Variants in CEP120 observed in about 807,000 individuals in gnomAD.
CEP120 encodes centrosomal protein of 120 kDa.
Under a neutral mutation model 126.5 loss-of-function variants are expected in CEP120, and 113 were observed. That is an observed-to-expected ratio of 0.89 (90% CI 0.77 to 1.04). The LOEUF is 1.04. Among genes scored for constraint, CEP120 ranks in the 50% least tolerant of loss-of-function variants. The probability of loss-of-function intolerance (pLI) is 0.00; values close to 1 mark genes in which losing one functional copy is unlikely to be tolerated. For missense variants in CEP120, 1,230 were observed against 1,155.7 expected (o/e 1.06, Z -0.93); for synonymous variants, 400 against 394.3 (o/e 1.01, Z -0.17).
chr5:123,387,050 G>C (rs1038894372), intron 9 of CEP120, among the ~76,000 whole-genome samples: 12 of 152,182 alleles, frequency 7.9e-5, no homozygotes, highest in African/African-American at 2.6e-4. Flanking sequence ...AATCTTGCAA[G>C]GATGCAAACA....
At chr5:123,351,413 G>T (rs1185261305) in intron 18 of CEP120, among the ~76,000 whole-genome samples, 1 of 152,094 alleles carries the variant, frequency 6.6e-6, no homozygotes, top group Non-Finnish European at 1.5e-5. Context: ...TTCCACTGCT[G>T]AAGGACATTG....
chr5:123,376,119 T>C (rs1156689569), intron 16 of CEP120, among the ~76,000 whole-genome samples: 1 of 152,196 alleles, frequency 6.6e-6, no homozygotes, highest in Admixed American at 6.5e-5. Context: ...CTGATTAAAT[T>C]ATCATGCTAA....
chr5:123,404,390 G>A (rs1464802132), intron 4 of CEP120, among the ~76,000 whole-genome samples: 3 of 152,178 alleles, frequency 2.0e-5, no homozygotes, highest in African/African-American at 7.2e-5. Flanking sequence ...TCCAAAAGAA[G>A]ATGTCCAGGA....
chr5:123,378,220 C>T, intron 15 of CEP120, 116 bp downstream of exon 15: 1 of 652,514 alleles, frequency 1.5e-6, no homozygotes, highest in South Asian at 2.5e-5. Flanking sequence ...TATAAGCAGC[C>T]CATCCTGAGT....
rs867345155 is a variant in CEP120, at chr5:123,364,613, A to G, written c.2482-19T>C. 4.1e-6 allele frequency: 6 copies of G among 1,472,786 alleles called. No homozygotes were observed. Among genetic ancestry groups the G allele is most frequent in the East Asian group, 2.3e-5 (1 of 43,728 alleles). 91.2% of individuals were successfully genotyped at this position (1,472,786 alleles called of 1,614,324 possible). A position where few individuals can be genotyped will look rare whatever the true frequency, so the allele number is the denominator to read the frequency against. On this transcript the variant is annotated intron_variant, in intron 17 of 19. Transcript: ENST00000306467. The stretch of plus-strand genomic sequence containing the variant: ...GTTCAACCTAACAGTGATTAAAATC[A>G]TATCAAGTGAAACACTATACCACTG...
chr5:123,382,182 C>G lies in CEP120; in HGVS notation c.2032G>C (p.Ala678Pro). The G allele has an allele frequency of 6.2e-7, 1 of 1,605,496 alleles. No homozygotes were observed. The highest frequency in any genetic ancestry group is 8.5e-7 in the Non-Finnish European group (1 of 1,176,070). Reference protein sequence around the residue: ...FENQLKQKELAHMQALAEEWK... With the variant: ...FENQLKQKELPHMQALAEEWK... ...TCCTCTGCAAGAGCCTGCATATGAGCCAGTTCTTTCTGCTTCAGCTACAAA... is the reference window on the plus strand; with the variant it reads ...TCCTCTGCAAGAGCCTGCATATGAGGCAGTTCTTTCTGCTTCAGCTACAAA... Residue 678 changes from alanine (A) to proline (P), a missense_variant, in exon 14 of 20, where the codon GCT becomes CCT. Physicochemically the swap from Ala to Pro is conservative, Grantham distance 27. Coordinates refer to ENST00000306467, the MANE Select transcript of CEP120 (RefSeq NM_001375405.1).
chr5:123,386,516 A>C lies in CEP120; in HGVS notation c.1580+2T>G. The C allele has an allele frequency of 6.4e-7, 1 of 1,553,604 alleles. No individual in the cohort carries two copies. On this transcript the variant is annotated splice_donor_variant, in intron 10 of 19. Coordinates refer to ENST00000306467, the MANE Select transcript of CEP120 (RefSeq NM_001375405.1). LOFTEE classifies it high-confidence loss of function. ...ATATCATACATACACTGTATGCATT[A>C]CCTTAAGAAGGTGTCTTGCAGCTGA...
chr5:123,361,236 T>C (rs1289708616), intron 18 of CEP120, among the ~76,000 whole-genome samples: 2 of 151,848 alleles, frequency 1.3e-5, no homozygotes, highest in Admixed American at 1.3e-4. Flanking sequence ...TTTGAATCAT[T>C]TTCTCTTTGA....
intron 5 of CEP120, 67 bp downstream of exon 5, chr5:123,399,069 G>T (rs1580713703): frequency 2.4e-6 from 3 of 1,237,140 alleles, no homozygotes; most frequent in Non-Finnish European, 3.2e-6. Flanking sequence ...TTTAATACCT[G>T]AAAGGTAAAA....
rs1185310295 is a variant in CEP120, at chr5:123,388,611, A to G, written c.1256-5T>C. On this transcript the variant is annotated splice_polypyrimidine_tract_variant and splice_region_variant and intron_variant, in intron 8 of 19. Transcript: ENST00000306467. ...AAGCAGGTACAGAAGAACTGGCTGA[A>G]ATGAACATAAAATAAAACAAAATAA... 6.4e-7 allele frequency: 1 copy of G among 1,557,030 alleles called. No homozygotes were observed. Among genetic ancestry groups the G allele is most frequent in the Admixed American group, 2.1e-5 (1 of 47,410 alleles).
chr5:123,397,912 T>C (rs1487861711), intron 5 of CEP120, among the ~76,000 whole-genome samples: 1 of 152,106 alleles, frequency 6.6e-6, no homozygotes, highest in Non-Finnish European at 1.5e-5. Flanking sequence ...AGTGAAACCC[T>C]GTCTCTACAA....
At chr5:123,366,158 A>AT (rs948241839) in intron 17 of CEP120, among the ~76,000 whole-genome samples, 4 of 151,562 alleles carry the variant, frequency 2.6e-5, no homozygotes, top group Non-Finnish European at 5.9e-5. Context: ...TTCCTAACTT[A>AT]TTTTTTTTAA....
chr5:123,386,118 G>T (rs2127058967), intron 10 of CEP120, among the ~76,000 whole-genome samples: 2 of 151,792 alleles, frequency 1.3e-5, no homozygotes, highest in East Asian at 1.9e-4. Context: ...CTAGTTATAG[G>T]TTTAAAAAAA....
intron 18 of CEP120, among the ~76,000 whole-genome samples, chr5:123,353,511 A>T (rs905660933): frequency 6.9e-5 from 5 of 72,928 alleles, no homozygotes; most frequent in Non-Finnish European, 1.2e-4. Context: ...TAGTCTCATT[A>T]AAAAAAAAGT....
At chr5:123,358,898 C>T (rs1434750982) in intron 18 of CEP120, among the ~76,000 whole-genome samples, 1 of 152,058 alleles carries the variant, frequency 6.6e-6, no homozygotes, top group Non-Finnish European at 1.5e-5. Context: ...CTCACACATA[C>T]CATGTAAGTC....
intron 5 of CEP120, among the ~76,000 whole-genome samples, chr5:123,394,343 A>G (rs1478192950): frequency 2.6e-5 from 4 of 152,192 alleles, no homozygotes; most frequent in African/African-American, 7.2e-5. Context: ...TAGTTACAGG[A>G]GGAAACTGTT....
rs574886171 is a variant in CEP120 at position 123,390,620 on chromosome 5, GA to G, written c.1039-481del. 1.5e-3 allele frequency among the ~76,000 whole-genome samples: 226 copies of G among 152,196 alleles called. 2 individuals are homozygous for G. The Middle Eastern group carries it at 0.027, about 18-fold the overall frequency. On this transcript the variant is annotated intron_variant, in intron 7 of 19. Transcript: ENST00000306467. ...AAAGATCAGCTTTTTGAAAGAACAA[GA>G]TAAAGTTGATTTCTGGGAATAGATA...
At chr5:123,368,210 T>C (rs1562015050) in intron 17 of CEP120, among the ~76,000 whole-genome samples, 1 of 151,934 alleles carries the variant, frequency 6.6e-6, no homozygotes, top group Non-Finnish European at 1.5e-5. Flanking sequence ...TATTACCTAG[T>C]CAACCAGTCT....
At chr5:123,353,889 T>C (rs1769380149) in intron 18 of CEP120, among the ~76,000 whole-genome samples, 1 of 152,072 alleles carries the variant, frequency 6.6e-6, no homozygotes, top group African/African-American at 2.4e-5. Context: ...TTCAAAGACA[T>C]GACTTTTGGC....
Sources: allele counts gnomAD v4.1 joint callset (sites outside exome capture counted in the v4.1 genomes callset), GRCh38; gene constraint gnomAD v4.1.1; transcripts MANE v1.5; gene names NCBI Gene and HGNC (gene_info 2026-07-23, HGNC 2026-07-21).